Variants in TRPM6 observed in about 807,000 individuals in gnomAD.
TRPM6 encodes the protein channel kinase 2.
In TRPM6, 111 loss-of-function variants were observed where a neutral mutation model predicts 247.6. That is an observed-to-expected ratio of 0.45 (90% CI 0.38 to 0.52). TRPM6 has a LOEUF of 0.52. TRPM6 is among the 20% of genes least tolerant of loss of function. The pLI is 0.00. For synonymous variants in TRPM6, 892 were observed against 853.8 expected (o/e 1.04, Z -0.78); for missense variants, 2,126 against 2,421.5 (o/e 0.88, Z 2.56).
At chr9:74,871,524 C>G (rs1273930609) in intron 1 of TRPM6, among the ~76,000 whole-genome samples, 1 of 152,126 alleles carries the variant, frequency 6.6e-6, no homozygotes, top group Non-Finnish European at 1.5e-5. Flanking sequence ...CCATAATTGA[C>G]TTAGCTAAGC....
chr9:74,787,442 C>T (rs1171859051), intron 20 of TRPM6, among the ~76,000 whole-genome samples: 1 of 151,538 alleles, frequency 6.6e-6, no homozygotes, highest in Non-Finnish European at 1.5e-5. Context: ...AAATAGTACA[C>T]CGATTTTCCC....
rs1173141167 is a variant in TRPM6, at chr9:74,762,669, G to A, written c.4002C>T (p.Asn1334=). ...GGCCATACTTTGAGTGTGCTTGCCTGTTAGGAGACACCCCAGAAACCACTA... is the reference window on the plus strand; with the variant it reads ...GGCCATACTTTGAGTGTGCTTGCCTATTAGGAGACACCCCAGAAACCACTA... The part of the protein sequence containing the change: ...SSIVVSGVSP[N]RQAHSKYGQF... The change falls in exon 26 of 39, where the codon AAC becomes AAT. Residue 1334 remains asparagine, a synonymous_variant. Coordinates refer to ENST00000360774, the MANE Select transcript of TRPM6 (RefSeq NM_017662.5). 1.9e-6 allele frequency: 3 copies of A among 1,614,176 alleles called. No individual in the cohort carries two copies. Among genetic ancestry groups the A allele is most frequent in the African/African-American group, 1.3e-5 (1 of 75,060 alleles).
intron 2 of TRPM6, among the ~76,000 whole-genome samples, chr9:74,856,467 C>CTGTGTG (rs57338419): frequency 0.15 from 22,006 of 147,698 alleles, 1,795 homozygotes; most frequent in East Asian, 0.27. Context: ...GTGTGTGTGT[C>CTGTGTG]TGTGTGTGTG....
rs759362850 is a variant in TRPM6, at chr9:74,738,436, C to T, written c.5747G>A (p.Arg1916Gln). ...CAAATCTAAAACCAGCAGCTCTCCC[C>T]GAGTGTACTCATAGGTCCAGTGAGA... ...AFSHWTYEYT[R>Q]GELLVLDLQG... Residue 1916 changes from arginine to glutamine, a missense_variant, in exon 36 of 39, where the codon CGG (arginine) becomes CAG (glutamine). Coordinates refer to ENST00000360774, the MANE Select transcript of TRPM6 (RefSeq NM_017662.5). 1.2e-5 allele frequency: 19 copies of T among 1,613,940 alleles called. No individual in the cohort carries two copies. The highest frequency in any genetic ancestry group is 4.5e-5 in the East Asian group (2 of 44,886).
At chr9:74,770,186 T>C (rs1010346082) in intron 25 of TRPM6, among the ~76,000 whole-genome samples, 3 of 152,180 alleles carry the variant, frequency 2.0e-5, no homozygotes, top group African/African-American at 7.2e-5. Context: ...ACATGACTTA[T>C]GCCCATAGTG....
rs772371756 is a variant in TRPM6 at position 74,762,826 on chromosome 9, AAAG to A, written c.3842_3844del (p.Ser1281del). 3.7e-6 allele frequency: 6 copies of A among 1,614,182 alleles called. No individual in the cohort carries two copies. The East Asian group carries it at 1.1e-4, about 30-fold the overall frequency. On this transcript the variant is annotated inframe_deletion, in exon 26 of 39. Transcript: ENST00000360774. ...CCGGCCTCCAGCCAGGCTCCTCAGC[AAAG>A]AAGAGGGCATGCTATAATACTGGTA...
chr9:74,789,222 C>T (rs1253021863), intron 19 of TRPM6, among the ~76,000 whole-genome samples: 1 of 152,158 alleles, frequency 6.6e-6, no homozygotes, highest in Non-Finnish European at 1.5e-5. Flanking sequence ...GATTAAAATA[C>T]TCTGTTTAAT....
chr9:74,762,422 G>T lies in TRPM6; in HGVS notation c.4249C>A (p.Gln1417Lys). The change falls in exon 26 of 39, where the codon CAA (glutamine) becomes AAA (lysine). Residue 1417 changes from glutamine (Q) to lysine (K), a missense_variant. By Grantham distance (53) the Gln-to-Lys change is moderately conservative (BLOSUM62 1). Around this residue, in one of 3 missense-constraint regions of TRPM6, gnomAD observed 717 missense variants for 715.9 expected, o/e 1.00. Coordinates refer to ENST00000360774, the MANE Select transcript of TRPM6 (RefSeq NM_017662.5). ...HEPIAHLLDG[Q>K]DKAEQVLPTL... ...GGTAGCACTTGCTCTGCCTTGTCTT[G>T]TCCATCCAGTAAGTGAGCAATAGGC... The T allele has an allele frequency of 1.2e-6, 2 of 1,614,154 alleles. No homozygotes were observed. The highest frequency in any genetic ancestry group is 1.7e-6 in the Non-Finnish European group (2 of 1,180,042).
chr9:74,832,322 T>G (rs62569710), intron 6 of TRPM6, among the ~76,000 whole-genome samples: 25,302 of 151,906 alleles, frequency 0.17, 2,388 homozygotes, highest in East Asian at 0.28. Context: ...TAAAAGCAAG[T>G]CAAGAGATAT....
chr9:74,740,082 C>A, intron 33 of TRPM6, 73 bp from the exon 34 acceptor site: 1 of 1,531,992 alleles, frequency 6.5e-7, no homozygotes, highest in East Asian at 2.3e-5. Context: ...TCCTAAATAT[C>A]AATGCAGAAT....
chr9:74,751,498 A>G (rs73530679), intron 29 of TRPM6, among the ~76,000 whole-genome samples: 27 of 152,336 alleles, frequency 1.8e-4, no homozygotes, highest in African/African-American at 6.5e-4. Context: ...TCCTACAAGA[A>G]TATCTGAGGT....
chr9:74,849,200 A>G (rs1383376807), intron 3 of TRPM6, among the ~76,000 whole-genome samples: 1 of 151,980 alleles, frequency 6.6e-6, no homozygotes, highest in Non-Finnish European at 1.5e-5. Flanking sequence ...AAATACAAAA[A>G]ATTAGCCAGG....
chr9:74,816,567 T>G, intron 11 of TRPM6, 102 bp downstream of exon 11: 4 of 959,770 alleles, frequency 4.2e-6, no homozygotes, highest in Non-Finnish European at 6.5e-6. Context: ...ACCCCACACT[T>G]CTACCAAACC....
chr9:74,762,067 G>T lies in TRPM6; in HGVS notation c.4604C>A (p.Pro1535His). 1 of 1,614,190 alleles carries T rather than the reference G, an allele frequency of 6.2e-7. No homozygotes were observed. Among genetic ancestry groups the T allele is most frequent in the Non-Finnish European group, 8.5e-7 (1 of 1,180,028 alleles). ...FWINPLRRYR[P>H]FARSHSFRFH... ...TCTAAAACTATGACTCCTAGCGAAG[G>T]GCCTGTATCTGCGGAGAGGATTGAT... The change falls in exon 26 of 39, where the codon CCC (proline) becomes CAC (histidine). Residue 1535 changes from proline to histidine, a missense_variant. Pro to His is a moderately conservative substitution (Grantham distance 77, BLOSUM62 -2). Transcript: ENST00000360774.
chr9:74,736,041 C>T (rs917366426), intron 36 of TRPM6, among the ~76,000 whole-genome samples: 1 of 152,180 alleles, frequency 6.6e-6, no homozygotes, highest in South Asian at 2.1e-4. Flanking sequence ...CAGCTGAGGG[C>T]GGACTCCCTG....
At chr9:74,855,767 C>G (rs182067255) in intron 2 of TRPM6, among the ~76,000 whole-genome samples, 25 of 152,248 alleles carry the variant, frequency 1.6e-4, no homozygotes, top group Non-Finnish European at 2.1e-4. Context: ...ATACAACATT[C>G]AGTTTAGAAC....
rs1311832452 is a variant in TRPM6, at chr9:74,820,264, A to G, written c.1134+40T>C. The G allele has an allele frequency of 2.5e-6, 4 of 1,601,576 alleles. No individual in the cohort carries two copies. In the South Asian group the frequency reaches 4.4e-5, roughly 18 times the overall value. ...AATATTACAGTGTTTATAAATTAGC[A>G]GTTCTTAAGTCAGTTGAATCATCAA... On this transcript the variant is annotated intron_variant, in intron 9 of 38. Coordinates refer to ENST00000360774, the MANE Select transcript of TRPM6 (RefSeq NM_017662.5).
intron 7 of TRPM6, among the ~76,000 whole-genome samples, chr9:74,823,521 C>G (rs961531350): frequency 6.6e-6 from 1 of 152,080 alleles, no homozygotes; most frequent in Admixed American, 6.6e-5. Flanking sequence ...AACTTCACTC[C>G]ATCGATTTAG....
At chr9:74,829,338 CA>C (rs1829466711) in intron 6 of TRPM6, among the ~76,000 whole-genome samples, 1 of 152,132 alleles carries the variant, frequency 6.6e-6, no homozygotes, top group Non-Finnish European at 1.5e-5. Flanking sequence ...ACCAGCCAAA[CA>C]GTATTTCATT....
Sources: gnomAD v4.1 joint callset for allele counts (sites outside exome capture counted in the v4.1 genomes callset) on GRCh38, gnomAD v4.1.1 for gene constraint, gnomAD v4.1.1 regional missense constraint, MANE v1.5 for transcripts, NCBI Gene and HGNC (gene_info 2026-07-23, HGNC 2026-07-21) for gene names.